SOX6: variants seen among roughly 807,000 people sequenced by gnomAD.
SOX6 encodes transcription factor SOX-6.
SOX6 carries 11 observed loss-of-function variants against 97.8 expected under a neutral mutation model. The observed-to-expected ratio is 0.11, with a 90% CI of 0.07 to 0.19. SOX6 has a LOEUF of 0.19. Ranked by LOEUF, SOX6 falls within the 10% of genes least tolerant of loss-of-function variation. The pLI is 1.00. For missense variants in SOX6, 810 were observed against 1,039.5 expected (o/e 0.78, Z 3.04); for synonymous variants, 360 against 371.4 (o/e 0.97, Z 0.35).
intron 1 of SOX6, among the ~76,000 whole-genome samples, chr11:16,411,767 T>G (rs986813383): frequency 6.6e-6 from 1 of 152,200 alleles, no homozygotes; most frequent in Non-Finnish European, 1.5e-5. Flanking sequence ...GGAGAATAAA[T>G]TTTCTTTCAA....
chr11:16,126,109 G>A (rs955612997), intron 6 of SOX6, among the ~76,000 whole-genome samples: 21 of 152,028 alleles, frequency 1.4e-4, no homozygotes, highest in Non-Finnish European at 2.6e-4. Flanking sequence ...GAGTCACATG[G>A]CCAAGCATCA....
chr11:16,096,231 A>C, intron 8 of SOX6, 113 bp from the exon 9 acceptor site: 1 of 1,310,566 alleles, frequency 7.6e-7, no homozygotes, highest in Non-Finnish European at 1.1e-6. Context: ...AAAAATAGAA[A>C]GTAGAAAGTT....
intron 4 of SOX6, among the ~76,000 whole-genome samples, chr11:16,522,690 T>G (rs1861087940): frequency 6.6e-6 from 1 of 152,186 alleles, no homozygotes; most frequent in Non-Finnish European, 1.5e-5. Context: ...ACTGGCAAGT[T>G]GGATAAAGAG....
chr11:16,175,751 TTTA>T (rs1357849053), intron 6 of SOX6, among the ~76,000 whole-genome samples: 2 of 151,940 alleles, frequency 1.3e-5, no homozygotes, highest in Non-Finnish European at 2.9e-5. Flanking sequence ...CATCTGAGAT[TTTA>T]TTTTCTAACT....
intron 12 of SOX6, among the ~76,000 whole-genome samples, chr11:16,027,106 C>T (rs928736582): frequency 1.3e-5 from 2 of 152,076 alleles, no homozygotes; most frequent in African/African-American, 4.8e-5. Flanking sequence ...GCACACCAGA[C>T]TAAATAAGAT....
intron 3 of SOX6, among the ~76,000 whole-genome samples, chr11:16,711,393 G>A (rs892986453): frequency 6.7e-6 from 1 of 148,518 alleles, no homozygotes; most frequent in Non-Finnish European, 1.5e-5. Context: ...GCCAGGCATG[G>A]TGGGCCTATA....
chr11:16,264,260 C>T (rs1854000887), intron 3 of SOX6, among the ~76,000 whole-genome samples: 2 of 151,924 alleles, frequency 1.3e-5, no homozygotes, highest in Non-Finnish European at 2.9e-5. Context: ...ATAGTTTACC[C>T]TTCCTCTGTT....
At chr11:16,043,628 A>G (rs1276487877) in intron 12 of SOX6, among the ~76,000 whole-genome samples, 3 of 152,142 alleles carry the variant, frequency 2.0e-5, no homozygotes, top group African/African-American at 4.8e-5. Context: ...TATGCCTGTT[A>G]GTAAGTGTTG....
At chr11:16,481,249 T>C (rs1224020179), upstream of SOX6, among the ~76,000 whole-genome samples, 1 of 152,194 alleles carries the variant, frequency 6.6e-6, no homozygotes, top group Non-Finnish European at 1.5e-5. Flanking sequence ...AGAATTTGAA[T>C]TAACTATAAA....
At chr11:16,075,673 G>T (rs755911983) in intron 9 of SOX6, among the ~76,000 whole-genome samples, 1 of 152,082 alleles carries the variant, frequency 6.6e-6, no homozygotes, top group Non-Finnish European at 1.5e-5. Flanking sequence ...GGGGCTGGGG[G>T]AGGGATAGCG....
chr11:16,248,458 G>C (rs1362692469), intron 3 of SOX6, among the ~76,000 whole-genome samples: 1 of 152,156 alleles, frequency 6.6e-6, no homozygotes, highest in Non-Finnish European at 1.5e-5. Context: ...TGGACATCCT[G>C]GTGTTTCCAT....
At chr11:16,181,570 A>G (rs1355129715) in intron 6 of SOX6, among the ~76,000 whole-genome samples, 2 of 151,458 alleles carry the variant, frequency 1.3e-5, no homozygotes, top group Non-Finnish European at 3.0e-5. Flanking sequence ...AAAAAAAAAA[A>G]AAAAGAAAGT....
intron 2 of SOX6, among the ~76,000 whole-genome samples, chr11:16,721,351 G>A (rs1387336963): frequency 2.6e-5 from 4 of 152,174 alleles, no homozygotes; most frequent in African/African-American, 9.6e-5. Context: ...GATTAGGTAT[G>A]TACAAGATCA....
chr11:16,605,519 T>G lies in SOX6; in HGVS notation n.609+6562A>C, dbSNP rs988049330. On this transcript the variant is annotated intron_variant and non_coding_transcript_variant, in intron 4 of 5. Coordinates refer to the SOX6 transcript ENST00000524520. This position sits in a 1 kb window ranked among gnomAD's most constrained non-coding sequence, Gnocchi z 5.3. Reference sequence around the variant, plus strand: ...ACAAGCGGAGGGAGCTGGAGGCAACTCGAGCGGTGTCCCGAAAAAGTTGCG... The same window carrying G: ...ACAAGCGGAGGGAGCTGGAGGCAACGCGAGCGGTGTCCCGAAAAAGTTGCG... Among the ~76,000 whole-genome samples, 1 of 151,994 alleles carries G rather than the reference T, an allele frequency of 6.6e-6. No individual in the cohort carries two copies. The highest frequency in any genetic ancestry group is 1.5e-5 in the Non-Finnish European group (1 of 67,980).
intron 3 of SOX6, among the ~76,000 whole-genome samples, chr11:16,293,487 A>G (rs779867274): frequency 1.3e-5 from 2 of 152,114 alleles, no homozygotes; most frequent in Non-Finnish European, 2.9e-5. Context: ...GCACTGCCCT[A>G]CTTGTTTCTG....
At chr11:16,451,458 A>T (rs1859714361) in intron 1 of SOX6, among the ~76,000 whole-genome samples, 1 of 152,138 alleles carries the variant, frequency 6.6e-6, no homozygotes, top group Non-Finnish European at 1.5e-5. Flanking sequence ...CTTCCCCCAG[A>T]GCACATGCTA....
At chr11:16,508,145 G>T (rs532881735) in intron 4 of SOX6, among the ~76,000 whole-genome samples, 1 of 152,194 alleles carries the variant, frequency 6.6e-6, no homozygotes, top group East Asian at 1.9e-4. Context: ...ATGAAAAAAT[G>T]TTCAACATCA....
intron 3 of SOX6, among the ~76,000 whole-genome samples, chr11:16,676,144 A>T (rs1341942470): frequency 6.6e-6 from 1 of 152,050 alleles, no homozygotes; most frequent in Non-Finnish European, 1.5e-5. Context: ...ACCTATTTTC[A>T]GTTTCATGAA....
At chr11:16,471,656 A>G (rs1255039341) in intron 1 of SOX6, among the ~76,000 whole-genome samples, 5 of 152,316 alleles carry the variant, frequency 3.3e-5, no homozygotes, top group African/African-American at 1.2e-4. Context: ...CTTTCAGTCT[A>G]AGTGGTTGAA....
Sources: allele counts gnomAD v4.1 joint callset (sites outside exome capture counted in the v4.1 genomes callset), GRCh38; gene constraint gnomAD v4.1.1; non-coding constraint Gnocchi (gnomAD v3.1); transcripts MANE v1.5; gene names NCBI Gene and HGNC (gene_info 2026-07-23, HGNC 2026-07-21).